CEP112: variants seen among roughly 807,000 people sequenced by gnomAD.
The protein encoded by CEP112 is centrosomal protein 112.
In CEP112, 127 loss-of-function variants were observed where a neutral mutation model predicts 153.0. That is an observed-to-expected ratio of 0.83 (90% CI 0.72 to 0.96). The LOEUF is 0.96. Among genes scored for constraint, CEP112 ranks in the 40% least tolerant of loss-of-function variants. The probability of loss-of-function intolerance (pLI) is 0.00; values close to 1 mark genes in which losing one functional copy is unlikely to be tolerated. For synonymous variants in CEP112, 358 were observed against 374.4 expected (o/e 0.96, Z 0.51); for missense variants, 1,089 against 1,101.2 (o/e 0.99, Z 0.16).
intron 17 of CEP112, among the ~76,000 whole-genome samples, chr17:65,969,839 TC>T (rs1481874738): frequency 6.9e-6 from 1 of 144,958 alleles, no homozygotes; most frequent in East Asian, 2.3e-4. Context: ...AAGCATATCA[TC>T]TATATATAGC....
intron 21 of CEP112, among the ~76,000 whole-genome samples, chr17:65,791,063 T>A (rs1478088836): frequency 1.4e-5 from 2 of 146,800 alleles, no homozygotes; most frequent in Non-Finnish European, 3.0e-5. Flanking sequence ...AATCTTCATA[T>A]GATTTTGGGG....
chr17:65,804,863 T>G (rs1187270843), intron 21 of CEP112, among the ~76,000 whole-genome samples: 2 of 151,782 alleles, frequency 1.3e-5, no homozygotes, highest in African/African-American at 4.8e-5. Flanking sequence ...TCTGTACAAT[T>G]AATTTTTTTT....
rs543833226 is a variant in CEP112 at position 65,943,536 on chromosome 17, C to T, written c.1873-15847G>A. Among the ~76,000 whole-genome samples, 7 of 152,244 alleles carry T rather than the reference C, an allele frequency of 4.6e-5. No homozygotes were observed. The East Asian group carries it at 9.7e-4, about 21-fold the overall frequency. Reference sequence around the variant, plus strand: ...TTCTTTAAGAATGTTGAATATTGGCCGCCAATCTCTTCTGGCTTGTAGGGT... The same window carrying T: ...TTCTTTAAGAATGTTGAATATTGGCTGCCAATCTCTTCTGGCTTGTAGGGT... On this transcript the variant is annotated intron_variant, in intron 18 of 26. Coordinates refer to ENST00000535342, the MANE Select transcript of CEP112 (RefSeq NM_001199165.4).
At chr17:65,876,835 T>C (rs2146550696) in intron 20 of CEP112, among the ~76,000 whole-genome samples, 1 of 152,216 alleles carries the variant, frequency 6.6e-6, no homozygotes, top group South Asian at 2.1e-4. Context: ...CCCCTTCTTA[T>C]TTTGATTGTT....
intron 20 of CEP112, among the ~76,000 whole-genome samples, chr17:65,901,276 ACCTAGT>A (rs1434661585): frequency 4.6e-5 from 7 of 152,148 alleles, no homozygotes; most frequent in African/African-American, 1.4e-4. Context: ...GGGTATTTAG[ACCTAGT>A]ATACAATATG....
At chr17:65,909,702 C>A (rs967922237) in intron 19 of CEP112, among the ~76,000 whole-genome samples, 1 of 152,120 alleles carries the variant, frequency 6.6e-6, no homozygotes, top group Non-Finnish European at 1.5e-5. Context: ...AACATGAGAA[C>A]ATTCACTGGC....
chr17:66,096,161 C>T, intron 8 of CEP112, 90 bp downstream of exon 8: 2 of 846,898 alleles, frequency 2.4e-6, no homozygotes, highest in Non-Finnish European at 3.7e-6. Flanking sequence ...TAGAATATAC[C>T]ATTATTTTAA....
At chr17:66,176,162 G>A (rs2072464369) in intron 3 of CEP112, among the ~76,000 whole-genome samples, 1 of 152,056 alleles carries the variant, frequency 6.6e-6, no homozygotes, top group African/African-American at 2.4e-5. Context: ...CAAGAATTCT[G>A]CAGTTCATTA....
intron 23 of CEP112, among the ~76,000 whole-genome samples, chr17:65,727,138 C>T (rs1053958429): frequency 6.6e-6 from 1 of 152,204 alleles, no homozygotes; most frequent in Non-Finnish European, 1.5e-5. Flanking sequence ...TTCCCTGTAT[C>T]TTCATCATTG....
chr17:66,001,831 G>A lies in CEP112; in HGVS notation c.1736+3859C>T, dbSNP rs370888406. Among the ~76,000 whole-genome samples the A allele has an allele frequency of 1.2e-4, 18 of 152,116 alleles. No individual in the cohort carries two copies. In the East Asian group the frequency reaches 1.9e-3, roughly 16 times the overall value. On this transcript the variant is annotated intron_variant, in intron 17 of 26. Transcript: ENST00000535342. The stretch of plus-strand genomic sequence containing the variant: ...ATACCATCATTTTCCTTTCATTACA[G>A]TCTATTTAGTTCCCCATATGCTTTA...
intron 8 of CEP112, among the ~76,000 whole-genome samples, chr17:66,087,312 G>C (rs1007832244): frequency 3.9e-5 from 6 of 152,126 alleles, no homozygotes; most frequent in Admixed American, 3.9e-4. Flanking sequence ...ATTTTTAAGT[G>C]ATGATTTCCT....
intron 4 of CEP112, among the ~76,000 whole-genome samples, chr17:66,146,156 C>G (rs1422872683): frequency 6.6e-6 from 1 of 151,860 alleles, no homozygotes; most frequent in Non-Finnish European, 1.5e-5. Flanking sequence ...TTCCCTCCTT[C>G]TCTATTTCAT....
chr17:66,059,175 A>G (rs2066823923), intron 11 of CEP112, among the ~76,000 whole-genome samples: 2 of 152,146 alleles, frequency 1.3e-5, no homozygotes, highest in African/African-American at 4.8e-5. Context: ...AGACTTAAGT[A>G]TAAGACTTAA....
At position 66,028,347 on chromosome 17, in the gene CEP112, T is replaced by C. The variant is rs759470542; in HGVS notation, c.1562A>G (p.Gln521Arg). ...QNVCQLKQQL[Q>R]ESELQRKQQL... ...TTGCTTTCTTTGAAGTTCTGATTCC[T>C]GTAACTGCTGTTTTAATTGACAGAC... is the stretch of plus-strand genomic sequence containing the variant. Residue 521 changes from glutamine (Q) to arginine (R), a missense_variant, in exon 15 of 27, where the codon CAG becomes CGG. Coordinates refer to ENST00000535342, the MANE Select transcript of CEP112 (RefSeq NM_001199165.4). 1 of 1,600,992 alleles carries C rather than the reference T, an allele frequency of 6.2e-7. No homozygotes were observed. The highest frequency in any genetic ancestry group is 8.5e-7 in the Non-Finnish European group (1 of 1,172,494).
At chr17:66,057,789 ACACACACAG>A (rs2066755179) in intron 11 of CEP112, among the ~76,000 whole-genome samples, 2 of 151,692 alleles carry the variant, frequency 1.3e-5, no homozygotes, top group African/African-American at 4.8e-5. Flanking sequence ...ACACACACAC[ACACACACAG>A]CCTTCAGTGA....
intron 1 of CEP112, among the ~76,000 whole-genome samples, chr17:66,185,034 T>C (rs749037598): frequency 1.3e-5 from 2 of 152,044 alleles, no homozygotes; most frequent in Non-Finnish European, 2.9e-5. Context: ...GCAAACAATA[T>C]AGGCATAAAG....
At chr17:65,716,105 C>T (rs1171105858) in intron 23 of CEP112, among the ~76,000 whole-genome samples, 4 of 151,910 alleles carry the variant, frequency 2.6e-5, no homozygotes, top group Admixed American at 6.6e-5. Context: ...AAGAAACGAA[C>T]GCATGGTAAA....
At chr17:65,660,427 TTC>T (rs1466159650) in intron 24 of CEP112, among the ~76,000 whole-genome samples, 4 of 86,832 alleles carry the variant, frequency 4.6e-5, no homozygotes, top group Non-Finnish European at 8.6e-5. Flanking sequence ...CCCTCCCTCC[TTC>T]TTTCTTTCTT....
In CEP112 at chr17:66,002,152, G is replaced by A. The variant is rs114549437; in HGVS notation, c.1736+3538C>T. Among the ~76,000 whole-genome samples the A allele has an allele frequency of 9.6e-3, 1,463 of 152,248 alleles. 19 individuals carry two copies. The highest frequency in any genetic ancestry group is 0.033 in the African/African-American group (1,391 of 41,548). ...TCCTTCTTAAATAATGATAGGTTCTGAAATATCAACTTGAGCTCTAAACCA... is the reference window on the plus strand; with the variant it reads ...TCCTTCTTAAATAATGATAGGTTCTAAAATATCAACTTGAGCTCTAAACCA... On this transcript the variant is annotated intron_variant, in intron 17 of 26. Coordinates refer to ENST00000535342, the MANE Select transcript of CEP112 (RefSeq NM_001199165.4).
Sources: allele counts gnomAD v4.1 joint callset (sites outside exome capture counted in the v4.1 genomes callset), GRCh38; gene constraint gnomAD v4.1.1; transcripts MANE v1.5; gene names NCBI Gene and HGNC (gene_info 2026-07-23, HGNC 2026-07-21).